Variants in TRIM33 observed in about 807,000 individuals in gnomAD.
TRIM33 encodes the protein E3 ubiquitin-protein ligase TRIM33.
Under a neutral mutation model 125.4 loss-of-function variants are expected in TRIM33, and 20 were observed. The observed-to-expected ratio is 0.16, with a 90% CI of 0.11 to 0.23. The LOEUF is 0.23. TRIM33 is among the 10% of genes least tolerant of loss of function. The pLI, the probability that TRIM33 is intolerant of heterozygous loss-of-function variation, is 1.00. For synonymous variants in TRIM33, 564 were observed against 513.9 expected (o/e 1.10, Z -1.32); for missense variants, 920 against 1,411.4 (o/e 0.65, Z 5.58).
At chr1:114,484,420 T>C (rs1651545676) in intron 1 of TRIM33, among the ~76,000 whole-genome samples, 1 of 152,336 alleles carries the variant, frequency 6.6e-6, no homozygotes, top group South Asian at 2.1e-4. Flanking sequence ...TGGTCATCCT[T>C]TTCATCTTTA....
At chr1:114,456,577 A>G (rs542285780) in intron 4 of TRIM33, among the ~76,000 whole-genome samples, 5 of 152,244 alleles carry the variant, frequency 3.3e-5, no homozygotes, top group Non-Finnish European at 7.4e-5. Flanking sequence ...TAATCTTGTG[A>G]ATTTCTTTTT....
chr1:114,394,693 G>C lies in TRIM33; in HGVS notation c.*2955C>G, dbSNP rs542111576. 1.2e-4 allele frequency: 24 copies of C among 201,352 alleles called. No individual in the cohort carries two copies. The South Asian group carries it at 4.6e-3, about 38-fold the overall frequency. The allele number at this position is 201,352 out of a possible 1,614,324, so 12.5% of individuals were successfully genotyped here. On this transcript the variant is annotated 3_prime_UTR_variant, in exon 20 of 20. Coordinates refer to ENST00000358465, the MANE Select transcript of TRIM33 (RefSeq NM_015906.4). ...GCCTTATCATTTCTCTGTAGTAATGGTTTGATGTTTCCATATAGAGCACGA... is the reference window on the plus strand; with the variant it reads ...GCCTTATCATTTCTCTGTAGTAATGCTTTGATGTTTCCATATAGAGCACGA...
intron 11 of TRIM33, among the ~76,000 whole-genome samples, chr1:114,410,937 C>T (rs558330112): frequency 5.7e-4 from 86 of 152,018 alleles, no homozygotes; most frequent in Non-Finnish European, 1.1e-3. Context: ...TGCAGAACTC[C>T]GATGATTAAA....
chr1:114,433,359 T>C (rs991847713), intron 5 of TRIM33, among the ~76,000 whole-genome samples: 2 of 152,190 alleles, frequency 1.3e-5, no homozygotes, highest in African/African-American at 4.8e-5. Context: ...CATATTAATT[T>C]ATTTGTTTCC....
At chr1:114,440,283 C>T (rs1359211072) in intron 4 of TRIM33, among the ~76,000 whole-genome samples, 1 of 151,542 alleles carries the variant, frequency 6.6e-6, no homozygotes, top group Non-Finnish European at 1.5e-5. Flanking sequence ...ACTGGTAGTG[C>T]TTCTAGGCAA....
chr1:114,464,784 G>A (rs996574430), intron 1 of TRIM33, among the ~76,000 whole-genome samples: 1 of 152,188 alleles, frequency 6.6e-6, no homozygotes, highest in African/African-American at 2.4e-5. Context: ...ATCAGGGGGA[G>A]GAAGAGGAAG....
At chr1:114,418,895 C>T (rs1239014154) in intron 11 of TRIM33, among the ~76,000 whole-genome samples, 1 of 152,010 alleles carries the variant, frequency 6.6e-6, no homozygotes, top group African/African-American at 2.4e-5. Flanking sequence ...TGCCTTACTG[C>T]CCCCACCCCT....
intron 4 of TRIM33, among the ~76,000 whole-genome samples, chr1:114,439,009 G>C (rs1648480467): frequency 6.6e-6 from 1 of 152,122 alleles, no homozygotes; most frequent in Non-Finnish European, 1.5e-5. Flanking sequence ...TAAAGTATGA[G>C]AAAGACATTA....
chr1:114,506,232 A>C (rs1652994420), intron 1 of TRIM33, among the ~76,000 whole-genome samples: 1 of 151,842 alleles, frequency 6.6e-6, no homozygotes, highest in Admixed American at 6.6e-5. Context: ...AAATACAAAA[A>C]ATTAGGTGGG....
At chr1:114,413,308 CA>C (rs1230054725) in intron 11 of TRIM33, among the ~76,000 whole-genome samples, 1 of 152,042 alleles carries the variant, frequency 6.6e-6, no homozygotes, top group Non-Finnish European at 1.5e-5. Context: ...CCTGTAATCC[CA>C]GCACTTTAGG....
chr1:114,458,570 C>G (rs1417449803), intron 4 of TRIM33, among the ~76,000 whole-genome samples: 1 of 152,174 alleles, frequency 6.6e-6, no homozygotes, highest in Admixed American at 6.5e-5. Context: ...CACCCATTCC[C>G]TAGCCCCTGC....
At chr1:114,422,379 T>C (rs892163074) in intron 10 of TRIM33, among the ~76,000 whole-genome samples, 6 of 152,188 alleles carry the variant, frequency 3.9e-5, no homozygotes, top group Non-Finnish European at 8.8e-5. Flanking sequence ...CAAGGTGTAC[T>C]TGGCCCCTAG....
At chr1:114,471,239 G>A (rs1194364229) in intron 1 of TRIM33, among the ~76,000 whole-genome samples, 2 of 152,198 alleles carry the variant, frequency 1.3e-5, no homozygotes, top group African/African-American at 2.4e-5. Context: ...GCGAAGTCAA[G>A]AGATCAAGAC....
rs770564161 is a variant in TRIM33, at chr1:114,408,754, A to C, written c.2195-14T>G. The C allele has an allele frequency of 3.2e-6, 5 of 1,562,950 alleles. No homozygotes were observed. The highest frequency in any genetic ancestry group is 4.4e-6 in the Non-Finnish European group (5 of 1,141,482). On this transcript the variant is annotated splice_polypyrimidine_tract_variant and intron_variant, in intron 12 of 19. Transcript: ENST00000358465. Reference sequence around the variant, plus strand: ...AATTGGATAAACCTAAAAAGTAGTAAGTCAAAATGAATATCAATGCATATA... The same window carrying C: ...AATTGGATAAACCTAAAAAGTAGTACGTCAAAATGAATATCAATGCATATA...
intron 11 of TRIM33, among the ~76,000 whole-genome samples, chr1:114,418,091 TCA>T (rs1252654100): frequency 2.6e-5 from 4 of 152,206 alleles, no homozygotes; most frequent in African/African-American, 4.8e-5. Flanking sequence ...TTAAATTGAC[TCA>T]CAGTTCTGCA....
intron 1 of TRIM33, among the ~76,000 whole-genome samples, chr1:114,506,601 C>G (rs1280008090): frequency 6.6e-6 from 1 of 151,990 alleles, no homozygotes; most frequent in African/African-American, 2.4e-5. Context: ...CTCTTGGCCT[C>G]AAGTTATCCT....
intron 15 of TRIM33, among the ~76,000 whole-genome samples, chr1:114,403,545 A>G (rs758895249): frequency 6.6e-6 from 1 of 150,742 alleles, no homozygotes; most frequent in Admixed American, 6.6e-5. Flanking sequence ...AGATTTTTCT[A>G]TTTTTTTTGA....
At chr1:114,486,112 C>A (rs901640341) in intron 1 of TRIM33, among the ~76,000 whole-genome samples, 1 of 152,004 alleles carries the variant, frequency 6.6e-6, no homozygotes, top group Admixed American at 6.5e-5. Flanking sequence ...CCCATCTCTA[C>A]TAAAAATACA....
intron 11 of TRIM33, among the ~76,000 whole-genome samples, chr1:114,419,703 G>A (rs1653157693): frequency 6.6e-6 from 1 of 152,140 alleles, no homozygotes; most frequent in African/African-American, 2.4e-5. Context: ...GAACAATTTT[G>A]TTAACAGTGC....
Sources: allele counts gnomAD v4.1 joint callset (sites outside exome capture counted in the v4.1 genomes callset), GRCh38; gene constraint gnomAD v4.1.1; transcripts MANE v1.5; gene names NCBI Gene and HGNC (gene_info 2026-07-23, HGNC 2026-07-21).